ADCY9: variants seen among roughly 807,000 people sequenced by gnomAD.
ADCY9 encodes the protein adenylate cyclase type 9.
A neutral mutation model predicts 101.5 loss-of-function variants in ADCY9; 50 were observed. That is an observed-to-expected ratio of 0.49 (90% CI 0.39 to 0.62). The LOEUF (loss-of-function observed/expected upper bound fraction) is 0.62, where lower values mean the gene tolerates loss of function less well. ADCY9 is among the 20% of genes least tolerant of loss of function. The probability of loss-of-function intolerance (pLI) is 0.00; values close to 1 mark genes in which losing one functional copy is unlikely to be tolerated. For synonymous variants in ADCY9, 905 were observed against 769.3 expected, an observed-to-expected ratio of 1.18 and a Z score of -2.92; for missense variants, 1,662 against 1,800.4, an observed-to-expected ratio of 0.92 and a Z score of 1.39.
intron 2 of ADCY9, among the ~76,000 whole-genome samples, chr16:4,106,044 C>G (rs540315861): frequency 3.9e-5 from 6 of 152,266 alleles, no homozygotes; most frequent in African/African-American, 1.2e-4. Flanking sequence ...CAGCCTCTAG[C>G]GGGTTTGATG....
intron 3 of ADCY9, among the ~76,000 whole-genome samples, chr16:4,003,270 TGGA>T (rs977665606): frequency 2.6e-5 from 4 of 152,164 alleles, no homozygotes; most frequent in African/African-American, 9.7e-5. Flanking sequence ...ATCGGAACCG[TGGA>T]GAAGATGGGA....
At chr16:3,972,391 A>ACTTG (rs2056060277) in intron 10 of ADCY9, among the ~76,000 whole-genome samples, 1 of 151,838 alleles carries the variant, frequency 6.6e-6, no homozygotes, top group Non-Finnish European at 1.5e-5. Context: ...CACCACGTCC[A>ACTTG]GCTAATTTTT....
intron 2 of ADCY9, among the ~76,000 whole-genome samples, chr16:4,026,885 CA>C (rs1453470047): frequency 6.6e-6 from 1 of 152,166 alleles, no homozygotes; most frequent in Admixed American, 6.5e-5. Flanking sequence ...AGAACTGAAT[CA>C]AAAGGAAAAC....
chr16:4,016,429 G>GA (rs1329897364), intron 2 of ADCY9, among the ~76,000 whole-genome samples: 2 of 152,274 alleles, frequency 1.3e-5, no homozygotes, highest in South Asian at 4.1e-4. Flanking sequence ...AGACGGGAGG[G>GA]AGGGGGATAG....
chr16:4,092,582 T>C (rs1262817368), intron 2 of ADCY9, among the ~76,000 whole-genome samples: 1 of 152,230 alleles, frequency 6.6e-6, no homozygotes, highest in East Asian at 1.9e-4. Flanking sequence ...GAAATGCCCT[T>C]TTGGTCTTAT....
In ADCY9 at chr16:3,992,235, G is replaced by C; in HGVS notation, c.2118C>G (p.Ser706Arg). Residue 706 changes from serine to arginine, a missense_variant, in exon 5 of 11, where the codon AGC becomes AGG. Around this residue, in one of 5 missense-constraint regions of ADCY9, gnomAD observed 624 missense variants for 639.1 expected, o/e 0.98. Coordinates refer to ENST00000294016, the MANE Select transcript of ADCY9 (RefSeq NM_001116.4). This position sits in a 1 kb window ranked among gnomAD's most constrained non-coding sequence, Gnocchi z 4.2. The stretch of plus-strand genomic sequence containing the variant: ...GCGGAAGGAGAGCCGACTGGTCCAG[G>C]CTCACCCCTGCCCACCTTCCCTTCT... ...LQEKGRWAGVSLDQSALLPLR... is the reference protein window; with the variant it reads ...LQEKGRWAGVRLDQSALLPLR... The C allele has an allele frequency of 2.5e-6, 4 of 1,614,188 alleles. No individual in the cohort carries two copies. The highest frequency in any genetic ancestry group is 3.4e-6 in the Non-Finnish European group (4 of 1,180,032).
chr16:4,034,826 T>C (rs745831609), intron 2 of ADCY9, among the ~76,000 whole-genome samples: 1 of 152,116 alleles, frequency 6.6e-6, no homozygotes, highest in Non-Finnish European at 1.5e-5. Flanking sequence ...ACCCCTGAAG[T>C]GTAACTATGA....
chr16:4,051,760 G>A (rs75592178), intron 2 of ADCY9, among the ~76,000 whole-genome samples: 3,706 of 152,240 alleles, frequency 0.024, 74 homozygotes, highest in Non-Finnish European at 0.038. Context: ...GCAGTGGAAT[G>A]CCAACTAATC....
intron 2 of ADCY9, among the ~76,000 whole-genome samples, chr16:4,056,010 C>A (rs1433056420): frequency 6.6e-6 from 1 of 152,090 alleles, no homozygotes; most frequent in African/African-American, 2.4e-5. Flanking sequence ...GAAGCCACTT[C>A]CTTAGCTCCC....
chr16:4,111,048 G>C (rs531440170), intron 2 of ADCY9, among the ~76,000 whole-genome samples: 40 of 152,356 alleles, frequency 2.6e-4, no homozygotes, highest in African/African-American at 9.4e-4. Flanking sequence ...GCACGACACA[G>C]ATTTCAGAGT....
chr16:4,078,544 G>C (rs1191848616), intron 2 of ADCY9, among the ~76,000 whole-genome samples: 1 of 144,214 alleles, frequency 6.9e-6, no homozygotes, highest in African/African-American at 2.5e-5. Flanking sequence ...CCTAGAGTGA[G>C]ACCCTGTCTC....
At chr16:4,049,328 C>T (rs1266242872) in intron 2 of ADCY9, among the ~76,000 whole-genome samples, 1 of 152,106 alleles carries the variant, frequency 6.6e-6, no homozygotes, top group Non-Finnish European at 1.5e-5. Context: ...GAGAGAAAGT[C>T]GGAAGGGGCA....
At chr16:3,954,081 C>T (rs1315008299) in intron 5 of ADCY9, among the ~76,000 whole-genome samples, 5 of 152,192 alleles carry the variant, frequency 3.3e-5, no homozygotes, top group African/African-American at 4.8e-5. Flanking sequence ...ACTTGGCACT[C>T]ATCTGGGTGT....
At chr16:4,083,530 A>G (rs559045496) in intron 2 of ADCY9, among the ~76,000 whole-genome samples, 8 of 152,370 alleles carry the variant, frequency 5.3e-5, no homozygotes, top group Admixed American at 1.3e-4. Context: ...AAATGAAAAC[A>G]TATGTCCACA....
At chr16:4,017,313 G>A (rs1380926262) in intron 2 of ADCY9, among the ~76,000 whole-genome samples, 1 of 150,338 alleles carries the variant, frequency 6.7e-6, no homozygotes, top group African/African-American at 2.4e-5. Flanking sequence ...GGTAGAGTGA[G>A]CAGTAGCAGG....
chr16:4,064,536 A>T (rs1452840951), intron 2 of ADCY9, among the ~76,000 whole-genome samples: 2 of 152,152 alleles, frequency 1.3e-5, no homozygotes, highest in Non-Finnish European at 2.9e-5. Context: ...ACAATGGCAC[A>T]ATCAGAGCTC....
At chr16:4,071,189 C>T (rs930260318) in intron 2 of ADCY9, among the ~76,000 whole-genome samples, 3 of 151,456 alleles carry the variant, frequency 2.0e-5, no homozygotes, top group Non-Finnish European at 4.4e-5. Flanking sequence ...AATCAGCCAG[C>T]CATGGTGATC....
chr16:4,108,313 T>C (rs962732890), intron 2 of ADCY9, among the ~76,000 whole-genome samples: 1 of 145,886 alleles, frequency 6.9e-6, no homozygotes, highest in Non-Finnish European at 1.5e-5. Context: ...AGCGGTTTCA[T>C]CCCAAATGCT....
In ADCY9 at chr16:3,963,559, T is replaced by C. The variant is rs1597129065; in HGVS notation, c.*2216A>G. On this transcript the variant is annotated 3_prime_UTR_variant, in exon 11 of 11. Transcript: ENST00000294016. ...CACGGGGCTGAACCAGACTCCACTT[T>C]GCAGCTCCTTGGTTTCCCGGGGTGA... 5.3e-6 allele frequency: 2 copies of C among 379,476 alleles called. No homozygotes were observed. Among genetic ancestry groups the C allele is most frequent in the East Asian group, 7.5e-5 (2 of 26,692 alleles). 23.5% of individuals were successfully genotyped at this position (379,476 alleles called of 1,614,324 possible). A position where few individuals can be genotyped will look rare whatever the true frequency, so the allele number is the denominator to read the frequency against.
Sources: gnomAD v4.1 joint callset for allele counts (sites outside exome capture counted in the v4.1 genomes callset) on GRCh38, gnomAD v4.1.1 for gene constraint, gnomAD v4.1.1 regional missense constraint, Gnocchi (gnomAD v3.1) non-coding constraint, MANE v1.5 for transcripts, NCBI Gene and HGNC (gene_info 2026-07-23, HGNC 2026-07-21) for gene names.